The following MCTP1 variants were observed in gnomAD, a reference collection of about 807,000 sequenced individuals.
MCTP1 encodes the protein multiple C2 and transmembrane domain containing 1, also known as multiple C2 and transmembrane domain-containing protein 1.
MCTP1 carries 69 observed loss-of-function variants against 120.6 expected under a neutral mutation model. The ratio of observed to expected loss-of-function variants is 0.57; its 90% confidence interval spans 0.47 to 0.70. MCTP1 has a LOEUF of 0.70. Ranked by LOEUF, MCTP1 falls within the 30% of genes least tolerant of loss-of-function variation. The pLI is 0.00. For synonymous variants in MCTP1, 529 were observed against 493.1 expected (o/e 1.07, Z -0.96); for missense variants, 1,203 against 1,248.8 (o/e 0.96, Z 0.55).
At chr5:95,102,356 G>A (rs553052782) in intron 1 of MCTP1, among the ~76,000 whole-genome samples, 23 of 152,308 alleles carry the variant, frequency 1.5e-4, no homozygotes, top group South Asian at 8.3e-4. Context: ...CAGGCCAACA[G>A]CAGAAGAAAA....
At chr5:95,043,692 C>G (rs986848199) in intron 1 of MCTP1, among the ~76,000 whole-genome samples, 12 of 152,158 alleles carry the variant, frequency 7.9e-5, no homozygotes, top group Admixed American at 5.9e-4. Context: ...GACTGTCTTT[C>G]CTGTCTATTT....
chr5:95,049,539 A>G (rs1466926168), intron 1 of MCTP1, among the ~76,000 whole-genome samples: 2 of 152,210 alleles, frequency 1.3e-5, no homozygotes, highest in African/African-American at 4.8e-5. Flanking sequence ...AAACTAAAAA[A>G]GTCTAAAATG....
intron 1 of MCTP1, among the ~76,000 whole-genome samples, chr5:95,117,309 T>A (rs1477839317): frequency 7.2e-6 from 1 of 138,260 alleles, no homozygotes; most frequent in Non-Finnish European, 1.5e-5. Context: ...GAGAATGGCA[T>A]GAACCCGGGA....
rs75793085 is a variant in MCTP1, at chr5:95,237,307, A to T, written c.720+46549T>A. On this transcript the variant is annotated intron_variant, in intron 1 of 22. Transcript: ENST00000515393. ...CTGAAGCTCCCCAGAAACATCCAGG[A>T]GAGTGGCTGTGAAATATTAGGTTGG... 7.1e-3 allele frequency among the ~76,000 whole-genome samples: 1,080 copies of T among 152,302 alleles called. 12 individuals carry two copies. The highest frequency in any genetic ancestry group is 0.025 in the African/African-American group (1,026 of 41,566).
At chr5:94,807,284 T>C (rs1782542959) in intron 17 of MCTP1, among the ~76,000 whole-genome samples, 1 of 152,148 alleles carries the variant, frequency 6.6e-6, no homozygotes, top group African/African-American at 2.4e-5. Flanking sequence ...AACTAGGCAA[T>C]GATTGGGGGG....
At chr5:95,040,494 C>T (rs191850914) in intron 1 of MCTP1, among the ~76,000 whole-genome samples, 55 of 151,686 alleles carry the variant, frequency 3.6e-4, no homozygotes, top group African/African-American at 8.5e-4. Context: ...GGGCTAAGTG[C>T]TCCCTGAGCC....
chr5:94,722,515 TGAGA>T (rs1761147366), intron 19 of MCTP1, among the ~76,000 whole-genome samples: 5 of 152,172 alleles, frequency 3.3e-5, no homozygotes, highest in Admixed American at 3.3e-4. Flanking sequence ...CTTCCTAAGG[TGAGA>T]GAGTCTTCAG....
At chr5:94,807,138 G>T (rs1190789674) in intron 17 of MCTP1, among the ~76,000 whole-genome samples, 1 of 152,142 alleles carries the variant, frequency 6.6e-6, no homozygotes, top group African/African-American at 2.4e-5. Context: ...CCAAAAGTGC[G>T]TATATGCTTA....
chr5:94,987,558 A>G (rs575577474), intron 2 of MCTP1, among the ~76,000 whole-genome samples: 1 of 152,310 alleles, frequency 6.6e-6, no homozygotes, highest in South Asian at 2.1e-4. Flanking sequence ...GTACAAATCA[A>G]AAGTAAAAGA....
intron 1 of MCTP1, among the ~76,000 whole-genome samples, chr5:95,096,327 A>C (rs530801084): frequency 7.2e-5 from 11 of 152,320 alleles, no homozygotes; most frequent in African/African-American, 2.4e-4. Context: ...AGGCAGACAA[A>C]ACAGAGTTTT....
At chr5:94,742,023 T>C (rs1320027505) in intron 19 of MCTP1, among the ~76,000 whole-genome samples, 1 of 152,148 alleles carries the variant, frequency 6.6e-6, no homozygotes, top group African/African-American at 2.4e-5. Context: ...ACTTTATTTC[T>C]AGAGTGTTTG....
At position 94,909,279 on chromosome 5, in the gene MCTP1, C is replaced by A; in HGVS notation, c.1624G>T (p.Ala542Ser). 1.2e-6 allele frequency: 2 copies of A among 1,611,108 alleles called. No homozygotes were observed. Among genetic ancestry groups the A allele is most frequent in the Non-Finnish European group, 1.7e-6 (2 of 1,178,768 alleles). The change falls in exon 10 of 23, where the codon GCT (alanine) becomes TCT (serine). Residue 542 changes from alanine (A) to serine (S), a missense_variant. By Grantham distance (99) the Ala-to-Ser change is moderately conservative. Transcript: ENST00000515393. The part of the protein sequence containing the change: ...VIDITAWDKD[A>S]GKRDDFIGRC... ...CCAATGAAATCATCCCTTTTCCCAG[C>A]ATCTTTGTCCCATGCAGTGATATCA...
intron 1 of MCTP1, among the ~76,000 whole-genome samples, chr5:95,281,472 C>T (rs1234133100): frequency 6.6e-6 from 1 of 152,148 alleles, no homozygotes; most frequent in Non-Finnish European, 1.5e-5. Flanking sequence ...ATTTGTGACT[C>T]ATTACAGAGA....
chr5:94,841,441 A>G (rs1195448210), intron 17 of MCTP1, among the ~76,000 whole-genome samples: 1 of 152,184 alleles, frequency 6.6e-6, no homozygotes, highest in Non-Finnish European at 1.5e-5. Flanking sequence ...TCATAGTGGC[A>G]CAACTCCCAC....
At chr5:94,916,335 T>A (rs570536053) in intron 8 of MCTP1, among the ~76,000 whole-genome samples, 11 of 152,252 alleles carry the variant, frequency 7.2e-5, no homozygotes, top group Admixed American at 6.5e-4. Flanking sequence ...TTGGGCATGT[T>A]TCTCCCTCTC....
chr5:94,831,964 A>G (rs188409713), intron 17 of MCTP1, among the ~76,000 whole-genome samples: 89 of 152,334 alleles, frequency 5.8e-4, no homozygotes, highest in Non-Finnish European at 9.4e-4. Flanking sequence ...AGGAGGGAAA[A>G]AGATAAATTC....
chr5:94,890,293 C>T (rs1411853841), intron 11 of MCTP1, among the ~76,000 whole-genome samples: 1 of 152,214 alleles, frequency 6.6e-6, no homozygotes, highest in Non-Finnish European at 1.5e-5. Flanking sequence ...GCATGAACCA[C>T]CACTTTCAGC....
intron 10 of MCTP1, among the ~76,000 whole-genome samples, chr5:94,902,891 CA>C (rs1395310490): frequency 6.6e-6 from 1 of 152,204 alleles, no homozygotes; most frequent in Admixed American, 6.5e-5. Context: ...GTAAACTACA[CA>C]CTATACATAC....
chr5:94,941,935 C>A (rs138513338), intron 4 of MCTP1, among the ~76,000 whole-genome samples: 1 of 152,118 alleles, frequency 6.6e-6, no homozygotes, highest in Non-Finnish European at 1.5e-5. Context: ...AAGAGAGTTG[C>A]TGTTTCTGAA....
Sources: allele counts gnomAD v4.1 joint callset (sites outside exome capture counted in the v4.1 genomes callset), GRCh38; gene constraint gnomAD v4.1.1; transcripts MANE v1.5; gene names NCBI Gene and HGNC (gene_info 2026-07-23, HGNC 2026-07-21).